The following ZNF585A variants were observed in gnomAD, a reference collection of about 807,000 sequenced individuals.
The protein encoded by ZNF585A is zinc finger protein 585A.
A neutral mutation model predicts 14.9 loss-of-function variants in ZNF585A; 9 were observed. The observed-to-expected ratio is 0.60, with a 90% CI of 0.36 to 1.05. ZNF585A has a LOEUF of 1.05. Among genes scored for constraint, ZNF585A ranks in the 50% least tolerant of loss-of-function variants. The probability of loss-of-function intolerance (pLI) is 0.01; values close to 1 mark genes in which losing one functional copy is unlikely to be tolerated. For synonymous variants in ZNF585A, 276 were observed against 319.9 expected (o/e 0.86, Z 1.46); for missense variants, 726 against 926.4 (o/e 0.78, Z 2.81).
rs34796636 is a variant in ZNF585A, at chr19:37,148,395, AACACACACACACACAC to A, written c.*3178_*3193del. 19 of 148,892 alleles carry A rather than the reference AACACACACACACACAC, an allele frequency of 1.3e-4. No homozygotes were observed. The highest frequency in any genetic ancestry group is 4.4e-4 in the African/African-American group (18 of 40,686). The allele number at this position is 148,892 out of a possible 1,614,324, so 9.2% of individuals were successfully genotyped here. ...AAAGGAGATATACATACACGTACAAAACACACACACACACACACACACACACAAGGACTCCACTTAT... is the reference window on the plus strand; with the variant it reads ...AAAGGAGATATACATACACGTACAAAACACACACACAAGGACTCCACTTAT... On this transcript the variant is annotated 3_prime_UTR_variant, in exon 5 of 5. Transcript: ENST00000292841.
In ZNF585A at chr19:37,156,209, A is replaced by G; in HGVS notation, c.199+20T>C. On this transcript the variant is annotated intron_variant, in intron 3 of 4. Coordinates refer to ENST00000292841, the MANE Select transcript of ZNF585A (RefSeq NM_001288800.2). Reference sequence around the variant, plus strand: ...CTCTCAGTGAGGCCTCCTTTCAGATACCAAGGTGACTGTGCTTACCTACTG... The same window carrying G: ...CTCTCAGTGAGGCCTCCTTTCAGATGCCAAGGTGACTGTGCTTACCTACTG... The G allele has an allele frequency of 3.1e-6, 5 of 1,611,734 alleles. No homozygotes were observed. The highest frequency in any genetic ancestry group is 3.4e-6 in the Non-Finnish European group (4 of 1,178,804).
At position 37,146,168 on chromosome 19, in the gene ZNF585A, G is replaced by A. The variant is rs1164303564; in HGVS notation, c.*5421C>T. ...GTGGCCGAGGTGGGCAAATCGTGAG[G>A]TCAGGAGATTGAGACCATCCTGGCC... On this transcript the variant is annotated 3_prime_UTR_variant, in exon 5 of 5. Coordinates refer to ENST00000292841, the MANE Select transcript of ZNF585A (RefSeq NM_001288800.2). The A allele has an allele frequency of 2.0e-5, 3 of 152,178 alleles. No homozygotes were observed. Among genetic ancestry groups the A allele is most frequent in the Non-Finnish European group, 4.4e-5 (3 of 68,110 alleles). 9.4% of individuals were successfully genotyped at this position (152,178 alleles called of 1,614,324 possible).
At position 37,160,343 on chromosome 19, in the gene ZNF585A, AAAATAAATAAATAAATAAATAAAT is replaced by A. The variant is rs148963406; in HGVS notation, c.73-4012_73-3989del. On this transcript the variant is annotated intron_variant, in intron 2 of 4. Coordinates refer to ENST00000292841, the MANE Select transcript of ZNF585A (RefSeq NM_001288800.2). ...GGCAACAGAGCCAGAACCTGTCTCA[AAAATAAATAAATAAATAAATAAAT>A]AAATAAATAAATAAATAAATAACTA... Among the ~76,000 whole-genome samples, 319 of 138,942 alleles carry A rather than the reference AAAATAAATAAATAAATAAATAAAT, an allele frequency of 2.3e-3. 3 individuals carry two copies. The highest frequency in any genetic ancestry group is 7.9e-3 in the African/African-American group (298 of 37,796). The allele number at this position is 138,942 out of a possible 152,430, so 91.2% of individuals were successfully genotyped here.
Position 37,151,585 on chromosome 19 carries a change from T to C in ZNF585A, c.*4A>G, listed in dbSNP as rs375248089. 730 of 1,606,938 alleles carry C rather than the reference T, an allele frequency of 4.5e-4. 1 individual carries two copies. Among genetic ancestry groups the C allele is most frequent in the Non-Finnish European group, 5.6e-4 (654 of 1,175,634 alleles). Reference sequence around the variant, plus strand: ...CTCAGGGGGGTTTTCTCACACTGTTTCTCTCAAGCGTGGCTGCTCTGATGG... The same window carrying C: ...CTCAGGGGGGTTTTCTCACACTGTTCCTCTCAAGCGTGGCTGCTCTGATGG... On this transcript the variant is annotated 3_prime_UTR_variant, in exon 5 of 5. Transcript: ENST00000292841.
chr19:37,165,621 A>G (rs73023549), intron 2 of ZNF585A: 1 of 984,348 alleles, frequency 1.0e-6, no homozygotes, highest in Non-Finnish European at 1.2e-6. Context: ...TCTACTCTTC[A>G]ATGCAGTTAG....
chr19:37,160,807 G>A (rs928413854), intron 2 of ZNF585A, among the ~76,000 whole-genome samples: 5 of 151,978 alleles, frequency 3.3e-5, no homozygotes, highest in African/African-American at 4.8e-5. Flanking sequence ...TAATTTAAAA[G>A]CTCCCGAAAA....
chr19:37,145,786 T>C lies in ZNF585A; in HGVS notation c.*5803A>G, dbSNP rs534151427. 8.5e-5 allele frequency: 13 copies of C among 152,180 alleles called. No homozygotes were observed. Among genetic ancestry groups the C allele is most frequent in the Non-Finnish European group, 1.8e-4 (12 of 68,018 alleles). The allele number at this position is 152,180 out of a possible 1,614,324, so 9.4% of individuals were successfully genotyped here. A position where few individuals can be genotyped will look rare whatever the true frequency, so the allele number is the denominator to read the frequency against. On this transcript the variant is annotated 3_prime_UTR_variant, in exon 5 of 5. Transcript: ENST00000292841. ...CAGCCCAGGGGTGGGACTACTGTGT[T>C]TATATAATACAAACACCTGAAGGTG...
intron 2 of ZNF585A, among the ~76,000 whole-genome samples, chr19:37,167,965 C>T (rs1231753191): frequency 6.6e-6 from 1 of 152,180 alleles, no homozygotes; most frequent in Non-Finnish European, 1.5e-5. Context: ...TCTTAGAAAA[C>T]AGAATCAGTA....
rs1166847448 is a variant in ZNF585A at position 37,153,606 on chromosome 19, C to T, written c.293G>A (p.Gly98Glu). 22 of 1,605,268 alleles carry T rather than the reference C, an allele frequency of 1.4e-5. No individual in the cohort carries two copies. Among genetic ancestry groups the T allele is most frequent in the Non-Finnish European group, 1.8e-5 (21 of 1,175,624 alleles). Residue 98 changes from glycine to glutamate, a missense_variant and splice_region_variant, in exon 5 of 5, where the codon GGA becomes GAA. Around this residue, in one of 2 missense-constraint regions of ZNF585A, gnomAD observed 483 missense variants for 542.8 expected, o/e 0.89. Coordinates refer to ENST00000292841, the MANE Select transcript of ZNF585A (RefSeq NM_001288800.2). ...TTGATTATGGTCCCATAATTTCTCT[C>T]CTGTTGGAATACACTCATGGTTACT... is the stretch of plus-strand genomic sequence containing the variant. The part of the protein sequence containing the change: ...QGERPRQSCP[G>E]EKLWDHNQCR...
chr19:37,159,459 C>T (rs985962472), intron 2 of ZNF585A, among the ~76,000 whole-genome samples: 3 of 151,976 alleles, frequency 2.0e-5, no homozygotes, highest in African/African-American at 7.3e-5. Flanking sequence ...TGCCTATTAC[C>T]ACATGGAGCT....
At chr19:37,158,398 G>C (rs375836657) in intron 2 of ZNF585A, among the ~76,000 whole-genome samples, 9 of 152,194 alleles carry the variant, frequency 5.9e-5, no homozygotes, top group African/African-American at 2.2e-4. Flanking sequence ...TCATGTGCCT[G>C]CTGACATGGC....
At position 37,152,491 on chromosome 19, in the gene ZNF585A, T is replaced by TTTCTCCTGTGTGA. The variant is rs1465153668; in HGVS notation, c.1407_1408insTCACACAGGAGAA (p.Lys470SerfsTer58). On this transcript the variant is annotated frameshift_variant, in exon 5 of 5. Coordinates refer to ENST00000292841, the MANE Select transcript of ZNF585A (RefSeq NM_001288800.2). LOFTEE classifies it low-confidence loss of function (END_TRUNC). The stretch of plus-strand genomic sequence containing the variant: ...CGGTTGGTGAATGCCTTCCCACATT[T>TTTCTCCTGTGTGA]ATTGCACATATAGGGCTTTTCTCCT... 1 of 1,614,040 alleles carries TTTCTCCTGTGTGA rather than the reference T, an allele frequency of 6.2e-7. No individual in the cohort carries two copies. The highest frequency in any genetic ancestry group is 8.5e-7 in the Non-Finnish European group (1 of 1,180,036).
intron 1 of ZNF585A, 162 bp downstream of exon 1, chr19:37,172,465 A>G (rs190689989): frequency 4.6e-5 from 7 of 152,326 alleles, no homozygotes; most frequent in Non-Finnish European, 2.9e-5. Flanking sequence ...ACTCATCCCA[A>G]AGAGCTCCAT....
chr19:37,145,915 G>A lies in ZNF585A; in HGVS notation c.*5674C>T, dbSNP rs1420306515. The A allele has an allele frequency of 6.6e-6, 1 of 152,140 alleles. No homozygotes were observed. The highest frequency in any genetic ancestry group is 2.4e-5 in the African/African-American group (1 of 41,426). The allele number at this position is 152,140 out of a possible 1,614,324, so 9.4% of individuals were successfully genotyped here. On this transcript the variant is annotated 3_prime_UTR_variant, in exon 5 of 5. Transcript: ENST00000292841. ...GGCATATAATAATGACAAGGATTCT[G>A]ATATTTGTTATAAAGTATAATTGTG...
At chr19:37,163,257 G>C (rs1376783146) in intron 2 of ZNF585A, among the ~76,000 whole-genome samples, 1 of 148,992 alleles carries the variant, frequency 6.7e-6, no homozygotes, top group Non-Finnish European at 1.5e-5. Context: ...ATGAGTAAAA[G>C]GATGAAAAAA....
chr19:37,155,889 C>T lies in ZNF585A; in HGVS notation c.268G>A (p.Glu90Lys), dbSNP rs1310970865. 1 of 1,612,360 alleles carries T rather than the reference C, an allele frequency of 6.2e-7. No individual in the cohort carries two copies. The highest frequency in any genetic ancestry group is 1.1e-5 in the South Asian group (1 of 91,000). ...CCTGGGCAGCTCTGACGTGGCCTCTCACCCTGCAGTGCCCATGGTTCCTTT... is the reference window on the plus strand; with the variant it reads ...CCTGGGCAGCTCTGACGTGGCCTCTTACCCTGCAGTGCCCATGGTTCCTTT... ...QGKEPWALQG[E>K]RPRQSCPGEK... Residue 90 changes from glutamate (E) to lysine (K), a missense_variant, in exon 4 of 5, where the codon GAG (glutamate) becomes AAG (lysine). Physicochemically the swap from Glu to Lys is moderately conservative, Grantham distance 56 (BLOSUM62 1). Coordinates refer to ENST00000292841, the MANE Select transcript of ZNF585A (RefSeq NM_001288800.2).
chr19:37,170,130 G>A, intron 1 of ZNF585A, 76 bp from the exon 2 acceptor site: 2 of 503,468 alleles, frequency 4.0e-6, no homozygotes, highest in South Asian at 6.2e-5. Context: ...TCAAGGTGCA[G>A]GTCCCTGAGC....
chr19:37,163,041 C>G (rs1874182343), intron 2 of ZNF585A, among the ~76,000 whole-genome samples: 1 of 152,058 alleles, frequency 6.6e-6, no homozygotes, highest in African/African-American at 2.4e-5. Context: ...CTTCATCACA[C>G]ACTTGCATAT....
Position 37,152,031 on chromosome 19 carries a change from A to G in ZNF585A, c.1868T>C (p.Val623Ala). ...KSFTSKSQLLVHQPVHTGEKP... is the reference protein window; with the variant it reads ...KSFTSKSQLLAHQPVHTGEKP... The stretch of plus-strand genomic sequence containing the variant: ...CTCTCCTGTGTGAACTGGCTGATGC[A>G]CCAGGAGCTGAGACTTGGAGGTAAA... Residue 623 changes from valine to alanine, a missense_variant, in exon 5 of 5, where the codon GTG becomes GCG. Val to Ala is a moderately conservative substitution (Grantham distance 64). Transcript: ENST00000292841. 2 of 1,612,626 alleles carry G rather than the reference A, an allele frequency of 1.2e-6. No homozygotes were observed. Among genetic ancestry groups the G allele is most frequent in the Non-Finnish European group, 1.7e-6 (2 of 1,179,314 alleles).
Sources: allele counts gnomAD v4.1 joint callset (sites outside exome capture counted in the v4.1 genomes callset), GRCh38; gene constraint gnomAD v4.1.1; regional missense constraint gnomAD v4.1.1; transcripts MANE v1.5; gene names NCBI Gene and HGNC (gene_info 2026-07-23, HGNC 2026-07-21).